The following NCOA3 variants were observed in gnomAD, a reference collection of about 807,000 sequenced individuals.
The protein encoded by NCOA3 is CBP-interacting protein.
Under a neutral mutation model 158.8 loss-of-function variants are expected in NCOA3, and 51 were observed. The observed-to-expected ratio is 0.32, with a 90% CI of 0.26 to 0.41. NCOA3 has a LOEUF of 0.41. NCOA3 is among the 10% of genes least tolerant of loss of function. The pLI, the probability that NCOA3 is intolerant of heterozygous loss-of-function variation, is 1.00. For synonymous variants in NCOA3, 537 were observed against 592.4 expected (o/e 0.91, Z 1.36); for missense variants, 1,510 against 1,746.6 (o/e 0.86, Z 2.41).
chr20:47,630,001 CTG>C (rs1471800885), intron 8 of NCOA3, among the ~76,000 whole-genome samples: 2 of 152,208 alleles, frequency 1.3e-5, no homozygotes, highest in Non-Finnish European at 1.5e-5. Flanking sequence ...TCATTTAAAA[CTG>C]AGATCCTACT....
intron 2 of NCOA3, among the ~76,000 whole-genome samples, chr20:47,599,266 T>C (rs944341318): frequency 1.3e-5 from 2 of 152,218 alleles, no homozygotes; most frequent in Non-Finnish European, 2.9e-5. Context: ...AACTAGATAT[T>C]GTGTGATGCC....
In NCOA3 at chr20:47,505,800, CTTTTTT is replaced by C. The variant is rs11434305; in HGVS notation, c.-99+3795_-99+3800del. On this transcript the variant is annotated intron_variant, in intron 1 of 22. Coordinates refer to ENST00000371998, the MANE Select transcript of NCOA3 (RefSeq NM_181659.3). ...TGCAGTAAAATGTAGGCATTTTCTC[CTTTTTT>C]TTTTTTTTTTTTTGAGACAGAGTCT... Among the ~76,000 whole-genome samples, 5 of 119,158 alleles carry C rather than the reference CTTTTTT, an allele frequency of 4.2e-5. No individual in the cohort carries two copies. In the Admixed American group the frequency reaches 4.8e-4, roughly 11 times the overall value. The allele number at this position is 119,158 out of a possible 152,430, so 78.2% of individuals were successfully genotyped here.
rs1399582337 is a variant in NCOA3, at chr20:47,642,197, G to A, written c.3081-16G>A. 2 of 1,541,632 alleles carry A rather than the reference G, an allele frequency of 1.3e-6. No homozygotes were observed. The highest frequency in any genetic ancestry group is 1.7e-6 in the Non-Finnish European group (2 of 1,149,754). On this transcript the variant is annotated splice_polypyrimidine_tract_variant and intron_variant, in intron 16 of 22. Transcript: ENST00000371998. The stretch of plus-strand genomic sequence containing the variant: ...AAAAAAAGCACCATTGACATTGATT[G>A]CAAGTCTTTTTCTAGGCCTCTTCTT...
intron 2 of NCOA3, among the ~76,000 whole-genome samples, chr20:47,597,133 C>G (rs1296889955): frequency 6.6e-6 from 1 of 152,158 alleles, no homozygotes; most frequent in East Asian, 1.9e-4. Flanking sequence ...TGATATAAAA[C>G]ATTTCTACCA....
chr20:47,513,959 A>C (rs887988677), intron 1 of NCOA3, among the ~76,000 whole-genome samples: 15 of 152,112 alleles, frequency 9.9e-5, no homozygotes, highest in Non-Finnish European at 1.6e-4. Flanking sequence ...AAACTTAAAA[A>C]CTTTAAACTA....
intron 1 of NCOA3, among the ~76,000 whole-genome samples, chr20:47,563,888 C>CAAAAAAAA (rs72161837): frequency 3.6e-4 from 21 of 58,606 alleles, no homozygotes; most frequent in African/African-American, 6.8e-4. Context: ...GATTCTGTCT[C>CAAAAAAAA]AAAAAAAAAA....
chr20:47,647,323 A>G lies in NCOA3; in HGVS notation c.3503A>G (p.Lys1168Arg), dbSNP rs1422900327. The G allele has an allele frequency of 5.0e-6, 8 of 1,614,070 alleles. No individual in the cohort carries two copies. Among genetic ancestry groups the G allele is most frequent in the Non-Finnish European group, 6.8e-6 (8 of 1,180,046 alleles). The stretch of plus-strand genomic sequence containing the variant: ...ATGAGACCCCGGACAAACACCCCCA[A>G]GCAACTTAGAATGCAGCTTCAGCAG... ...NIMRPRTNTP[K>R]QLRMQLQQRL... Residue 1168 changes from lysine (K) to arginine (R), a missense_variant, in exon 18 of 23, where the codon AAG (lysine) becomes AGG (arginine). Lys to Arg is a conservative substitution (Grantham distance 26). Coordinates refer to ENST00000371998, the MANE Select transcript of NCOA3 (RefSeq NM_181659.3).
At chr20:47,525,685 C>A (rs867928286) in intron 1 of NCOA3, among the ~76,000 whole-genome samples, 1 of 133,616 alleles carries the variant, frequency 7.5e-6, no homozygotes, top group Non-Finnish European at 1.6e-5. Flanking sequence ...ACCTCCCTCC[C>A]GGACGGGGCG....
chr20:47,633,658 T>G, intron 9 of NCOA3, 22 bp downstream of exon 9: 3 of 1,602,842 alleles, frequency 1.9e-6, no homozygotes, highest in Non-Finnish European at 2.5e-6. Context: ...TGGGGTTGAT[T>G]GTTCTTATCA....
At chr20:47,563,125 G>T (rs1237686544) in intron 1 of NCOA3, among the ~76,000 whole-genome samples, 1 of 152,202 alleles carries the variant, frequency 6.6e-6, no homozygotes, top group Non-Finnish European at 1.5e-5. Context: ...AGTACTGGAA[G>T]TAGATTCTGG....
intron 1 of NCOA3, among the ~76,000 whole-genome samples, chr20:47,542,048 AG>A (rs1461930778): frequency 2.3e-5 from 1 of 42,692 alleles, no homozygotes; most frequent in Non-Finnish European, 4.6e-5. Context: ...TTGTTGTTGG[AG>A]GGACAGAGAC....
intron 2 of NCOA3, among the ~76,000 whole-genome samples, chr20:47,588,131 CTTTTTTT>C (rs33989951): frequency 0.13 from 10,411 of 78,192 alleles, 480 homozygotes; most frequent in Middle Eastern, 0.22. Flanking sequence ...CTCCACCCCA[CTTTTTTT>C]TTTTTTTTTT....
At chr20:47,611,823 C>T (rs1363611537) in intron 2 of NCOA3, among the ~76,000 whole-genome samples, 1 of 151,766 alleles carries the variant, frequency 6.6e-6, no homozygotes, top group Non-Finnish European at 1.5e-5. Flanking sequence ...AAAAAAGCCC[C>T]ACTCCTTCTG....
At position 47,625,450 on chromosome 20, in the gene NCOA3, A is replaced by G; in HGVS notation, c.326A>G (p.Asp109Gly). Reference sequence around the variant, plus strand: ...TCTTCTACAGGGCAGGGAGTTATTGATAAAGACTCCTTAGGACCGCTTTTA... The same window carrying G: ...TCTTCTACAGGGCAGGGAGTTATTGGTAAAGACTCCTTAGGACCGCTTTTA... ...DVSSTGQGVIDKDSLGPLLLQ... is the reference protein window; with the variant it reads ...DVSSTGQGVIGKDSLGPLLLQ... Residue 109 changes from aspartate to glycine, a missense_variant, in exon 5 of 23, where the codon GAT becomes GGT. By Grantham distance (94) the Asp-to-Gly change is moderately conservative. Transcript: ENST00000371998. The G allele has an allele frequency of 1.2e-6, 2 of 1,613,030 alleles. No individual in the cohort carries two copies. Among genetic ancestry groups the G allele is most frequent in the Non-Finnish European group, 1.7e-6 (2 of 1,179,112 alleles).
In NCOA3 at chr20:47,533,352, C is replaced by A. The variant is rs1311692982; in HGVS notation, c.-99+31333C>A. On this transcript the variant is annotated intron_variant, in intron 1 of 22. Transcript: ENST00000371998. Reference sequence around the variant, plus strand: ...TTTTCCCCTTCAAATTAAAGCATTTCTTTTTTCTTTGGTTGTAAAGGTGAT... The same window carrying A: ...TTTTCCCCTTCAAATTAAAGCATTTATTTTTTCTTTGGTTGTAAAGGTGAT... Among the ~76,000 whole-genome samples, 11 of 117,090 alleles carry A rather than the reference C, an allele frequency of 9.4e-5. No homozygotes were observed. In the East Asian group the frequency reaches 2.6e-3, roughly 28 times the overall value. 76.8% of individuals were successfully genotyped at this position (117,090 alleles called of 152,430 possible). A position where few individuals can be genotyped will look rare whatever the true frequency, so the allele number is the denominator to read the frequency against.
chr20:47,521,427 T>C (rs952745871), intron 1 of NCOA3, among the ~76,000 whole-genome samples: 3 of 152,116 alleles, frequency 2.0e-5, no homozygotes, highest in African/African-American at 7.2e-5. Context: ...AGCGCACACC[T>C]GGACAAGGGA....
At chr20:47,625,925 A>G (rs1420312238) in intron 5 of NCOA3, among the ~76,000 whole-genome samples, 1 of 152,242 alleles carries the variant, frequency 6.6e-6, no homozygotes, top group African/African-American at 2.4e-5. Flanking sequence ...TAGGTATTAT[A>G]ACTAATCTAG....
At chr20:47,562,903 ATTATTAAAAGTAAT>A (rs1488151487) in intron 1 of NCOA3, among the ~76,000 whole-genome samples, 2 of 152,134 alleles carry the variant, frequency 1.3e-5, no homozygotes, top group East Asian at 3.8e-4. Flanking sequence ...TACTTTTATG[ATTATTAAAAGTAAT>A]TTTTTAAAAA....
chr20:47,589,164 G>T (rs1412452127), intron 2 of NCOA3, among the ~76,000 whole-genome samples: 1 of 152,066 alleles, frequency 6.6e-6, no homozygotes, highest in Non-Finnish European at 1.5e-5. Context: ...AAGTGCTTGG[G>T]AGTAAGCTAC....
Sources: allele counts gnomAD v4.1 joint callset (sites outside exome capture counted in the v4.1 genomes callset), GRCh38; gene constraint gnomAD v4.1.1; transcripts MANE v1.5; gene names NCBI Gene and HGNC (gene_info 2026-07-23, HGNC 2026-07-21).